The following PLA2G4B variants were observed in gnomAD, a reference collection of about 807,000 sequenced individuals.
PLA2G4B encodes phospholipase A2 group IVB.
In PLA2G4B, 122 loss-of-function variants were observed where a neutral mutation model predicts 95.8. That is an observed-to-expected ratio of 1.27 (90% CI 1.10 to 1.48). The LOEUF (loss-of-function observed/expected upper bound fraction) is 1.48, where lower values mean the gene tolerates loss of function less well. Among genes scored for constraint, PLA2G4B ranks in the 40% most tolerant of loss-of-function variants. The pLI is 0.00. For missense variants in PLA2G4B, 1,158 were observed against 996.2 expected, an observed-to-expected ratio of 1.16 and a Z score of -2.19; for synonymous variants, 518 against 421.5, an observed-to-expected ratio of 1.23 and a Z score of -2.80.
chr15:41,845,627 A>T lies in PLA2G4B; in HGVS notation c.1358-11A>T. ...TCTGCACCATGAGGCTGAGGCGTGG[A>T]CTCCTCACAGAGTGGTGCGAGTTCT... is the stretch of plus-strand genomic sequence containing the variant. On this transcript the variant is annotated splice_polypyrimidine_tract_variant and intron_variant, in intron 14 of 19. Coordinates refer to ENST00000458483, the MANE Select transcript of PLA2G4B (RefSeq NM_001114633.2). 1 of 1,613,574 alleles carries T rather than the reference A, an allele frequency of 6.2e-7. No homozygotes were observed. Among genetic ancestry groups the T allele is most frequent in the Non-Finnish European group, 8.5e-7 (1 of 1,179,864 alleles).
At chr15:41,840,957 C>CA in intron 4 of PLA2G4B, 52 bp downstream of exon 4, 1 of 1,596,330 alleles carries the variant, frequency 6.3e-7, no homozygotes, top group Non-Finnish European at 8.6e-7. Flanking sequence ...TTGAAATCTC[C>CA]ACGCGCACAC....
At chr15:41,840,983 T>C in intron 4 of PLA2G4B, 72 bp from the exon 5 acceptor site, 1 of 1,580,374 alleles carries the variant, frequency 6.3e-7, no homozygotes, top group African/African-American at 1.3e-5. Flanking sequence ...CACACACGCA[T>C]GTCTCTCATA....
Position 41,840,913 on chromosome 15 carries a change from G to C in PLA2G4B, c.351+8G>C. Reference sequence around the variant, plus strand: ...TTCTCACTGAGCCCTCAGGCAAGGCGGTGTTTCCACGGCAGCCCTAGCTGG... The same window carrying C: ...TTCTCACTGAGCCCTCAGGCAAGGCCGTGTTTCCACGGCAGCCCTAGCTGG... On this transcript the variant is annotated splice_region_variant and intron_variant, in intron 4 of 19. Coordinates refer to ENST00000458483, the MANE Select transcript of PLA2G4B (RefSeq NM_001114633.2). The C allele has an allele frequency of 2.5e-6, 4 of 1,611,456 alleles. No individual in the cohort carries two copies. Among genetic ancestry groups the C allele is most frequent in the Non-Finnish European group, 3.4e-6 (4 of 1,178,036 alleles).
chr15:41,847,551 G>A lies in PLA2G4B; in HGVS notation c.2134+28G>A, dbSNP rs765635250. 3.1e-6 allele frequency: 5 copies of A among 1,603,128 alleles called. No individual in the cohort carries two copies. In the Admixed American group the frequency reaches 6.7e-5, roughly 21 times the overall value. On this transcript the variant is annotated intron_variant, in intron 19 of 19. Transcript: ENST00000458483. The stretch of plus-strand genomic sequence containing the variant: ...GAGCTGCTGTTCACCTCCCCATCCT[G>A]CTGCCCCAGTCCCCCACACCTCCTC...
chr15:41,844,833 T>G lies in PLA2G4B; in HGVS notation c.1017-15T>G. 1 of 1,585,570 alleles carries G rather than the reference T, an allele frequency of 6.3e-7. No homozygotes were observed. Among genetic ancestry groups the G allele is most frequent in the Non-Finnish European group, 8.6e-7 (1 of 1,167,368 alleles). On this transcript the variant is annotated splice_polypyrimidine_tract_variant and intron_variant, in intron 12 of 19. Coordinates refer to ENST00000458483, the MANE Select transcript of PLA2G4B (RefSeq NM_001114633.2). Reference sequence around the variant, plus strand: ...TCAGTGACAGCCCTCTGGCTTTGGCTTTGGCTTTTCCCAGGGCCTTGGCCA... The same window carrying G: ...TCAGTGACAGCCCTCTGGCTTTGGCGTTGGCTTTTCCCAGGGCCTTGGCCA...
Position 41,841,816 on chromosome 15 carries a change from C to T in PLA2G4B, c.491-3C>T, listed in dbSNP as rs772101648. 1.6e-5 allele frequency: 26 copies of T among 1,613,080 alleles called. No individual in the cohort carries two copies. The Admixed American group carries it at 3.0e-4, about 19-fold the overall frequency. On this transcript the variant is annotated splice_polypyrimidine_tract_variant and splice_region_variant and intron_variant, in intron 7 of 19. Transcript: ENST00000458483. ...GCCTCTCTGCTCTGGTTCCTGTTTC[C>T]AGCCTCAGAGCACAGAGTTCAGCTT... is the stretch of plus-strand genomic sequence containing the variant.
At chr15:41,839,235 C>T (rs1237167711) in intron 1 of PLA2G4B, 4 of 283,428 alleles carry the variant, frequency 1.4e-5, no homozygotes, top group East Asian at 1.6e-4. Flanking sequence ...CCTCCATGCT[C>T]CTCTGACTCA....
intron 3 of PLA2G4B, 31 bp from the exon 4 acceptor site, chr15:41,840,743 C>A: frequency 6.2e-7 from 1 of 1,610,464 alleles, no homozygotes; most frequent in East Asian, 2.2e-5. Flanking sequence ...TCCCCTCCCT[C>A]CTGCAGCCCT....
rs199558878 is a variant in PLA2G4B at position 41,841,474 on chromosome 15, G to C, written c.436-43G>C. The stretch of plus-strand genomic sequence containing the variant: ...TGCTGCGAGGGTGGGGTCCCTGAAT[G>C]GGGGGTGGGGTTAGTGTCTGAGGGG... On this transcript the variant is annotated intron_variant, in intron 6 of 19. Coordinates refer to ENST00000458483, the MANE Select transcript of PLA2G4B (RefSeq NM_001114633.2). 6.2e-6 allele frequency: 10 copies of C among 1,613,520 alleles called. No individual in the cohort carries two copies. In the East Asian group the frequency reaches 6.7e-5, roughly 11 times the overall value.
Position 41,845,794 on chromosome 15 carries a change from C to G in PLA2G4B, c.1495+19C>G, listed in dbSNP as rs755972631. 1.4e-5 allele frequency: 22 copies of G among 1,573,854 alleles called. No homozygotes were observed. The highest frequency in any genetic ancestry group is 3.4e-4 in the Middle Eastern group (2 of 5,842). Reference sequence around the variant, plus strand: ...TTAGAAGGTGAGGGGCACTGGCAGGCTGGGGAAGCTGGGCCGAGCAGGGAA... The same window carrying G: ...TTAGAAGGTGAGGGGCACTGGCAGGGTGGGGAAGCTGGGCCGAGCAGGGAA... On this transcript the variant is annotated intron_variant, in intron 15 of 19. Coordinates refer to ENST00000458483, the MANE Select transcript of PLA2G4B (RefSeq NM_001114633.2).
intron 10 of PLA2G4B, 36 bp downstream of exon 10, chr15:41,842,627 G>A: frequency 1.2e-6 from 2 of 1,605,318 alleles, no homozygotes; most frequent in Non-Finnish European, 1.7e-6. Flanking sequence ...CAAGGCCCTG[G>A]AAAACAACCA....
chr15:41,846,386 C>T lies in PLA2G4B; in HGVS notation c.1780+4C>T. 6.2e-7 allele frequency: 1 copy of T among 1,601,066 alleles called. No individual in the cohort carries two copies. The highest frequency in any genetic ancestry group is 1.3e-5 in the African/African-American group (1 of 74,848). On this transcript the variant is annotated splice_donor_region_variant and intron_variant, in intron 17 of 19. Coordinates refer to ENST00000458483, the MANE Select transcript of PLA2G4B (RefSeq NM_001114633.2). ...CCTCACTTCTCCACATGGAAAGGTA[C>T]CTGCTTCTCTCCAAAGTCCTCCTGT... is the stretch of plus-strand genomic sequence containing the variant.
At chr15:41,840,973 C>G in intron 4 of PLA2G4B, 68 bp downstream of exon 4, 5 of 1,586,408 alleles carry the variant, frequency 3.2e-6, no homozygotes, top group Non-Finnish European at 4.3e-6. Flanking sequence ...CACACATGCA[C>G]ACACACGCAT....
chr15:41,840,971 C>T, intron 4 of PLA2G4B, 66 bp downstream of exon 4: 12 of 1,586,288 alleles, frequency 7.6e-6, no homozygotes, highest in Non-Finnish European at 1.0e-5. Flanking sequence ...CGCACACATG[C>T]ACACACACGC....
At chr15:41,841,418 G>T in intron 6 of PLA2G4B, 99 bp from the exon 7 acceptor site, 2 of 1,609,240 alleles carry the variant, frequency 1.2e-6, no homozygotes, top group South Asian at 2.2e-5. Context: ...AAGGGCCCAG[G>T]TAATGAAGTG....
chr15:41,847,086 C>T (rs903623542), intron 18 of PLA2G4B, among the ~76,000 whole-genome samples: 2 of 152,218 alleles, frequency 1.3e-5, no homozygotes, highest in African/African-American at 4.8e-5. Context: ...CTGGGCCCAC[C>T]TGCTGAGTCT....
intron 6 of PLA2G4B, 117 bp from the exon 7 acceptor site, chr15:41,841,400 A>G: frequency 6.2e-7 from 1 of 1,607,970 alleles, no homozygotes; most frequent in South Asian, 1.1e-5. Flanking sequence ...TTAAGGGAAT[A>G]CAATCTCAAG....
rs779566731 is a variant in PLA2G4B at position 41,841,814 on chromosome 15, T to G, written c.491-5T>G. ...CAGCCTCTCTGCTCTGGTTCCTGTT[T>G]CCAGCCTCAGAGCACAGAGTTCAGC... On this transcript the variant is annotated splice_polypyrimidine_tract_variant and splice_region_variant and intron_variant, in intron 7 of 19. Coordinates refer to ENST00000458483, the MANE Select transcript of PLA2G4B (RefSeq NM_001114633.2). 4 of 1,613,094 alleles carry G rather than the reference T, an allele frequency of 2.5e-6. No individual in the cohort carries two copies. In the South Asian group the frequency reaches 3.3e-5, roughly 13 times the overall value.
intron 2 of PLA2G4B, 101 bp downstream of exon 2, chr15:41,840,331 G>A: frequency 6.3e-7 from 1 of 1,578,070 alleles, no homozygotes; most frequent in East Asian, 2.2e-5. Flanking sequence ...GGGTGGGCCG[G>A]TGGGCAGGGC....
Sources: allele counts gnomAD v4.1 joint callset (sites outside exome capture counted in the v4.1 genomes callset), GRCh38; gene constraint gnomAD v4.1.1; transcripts MANE v1.5; gene names NCBI Gene and HGNC (gene_info 2026-07-23, HGNC 2026-07-21).